SLC17A4: variants seen among roughly 807,000 people sequenced by gnomAD.
SLC17A4 encodes the protein probable small intestine urate exporter.
In SLC17A4, 33 loss-of-function variants were observed where a neutral mutation model predicts 52.5. The ratio of observed to expected loss-of-function variants is 0.63; its 90% CI spans 0.48 to 0.84. SLC17A4 has a LOEUF of 0.84. Ranked by LOEUF, SLC17A4 falls within the 40% of genes least tolerant of loss-of-function variation. The pLI is 0.00. For synonymous variants in SLC17A4, 225 were observed against 216.2 expected (o/e 1.04, Z -0.36); for missense variants, 585 against 597.1 (o/e 0.98, Z 0.21).
chr6:25,779,355 C>T lies in SLC17A4; in HGVS notation c.*167C>T, dbSNP rs1763193707. 2 of 850,550 alleles carry T rather than the reference C, an allele frequency of 2.4e-6. No homozygotes were observed. Among genetic ancestry groups the T allele is most frequent in the African/African-American group, 1.7e-5 (1 of 58,310 alleles). The allele number at this position is 850,550 out of a possible 1,614,324, so 52.7% of individuals were successfully genotyped here. On this transcript the variant is annotated 3_prime_UTR_variant, in exon 12 of 12. Coordinates refer to ENST00000377905, the MANE Select transcript of SLC17A4 (RefSeq NM_005495.3). ...AAATTTTACAGGGGAAGAAAACACG[C>T]TAGTTATTTAACTGCAAGCTACTAA... is the stretch of plus-strand genomic sequence containing the variant.
intron 1 of SLC17A4, among the ~76,000 whole-genome samples, chr6:25,756,833 A>T (rs183857322): frequency 2.0e-5 from 3 of 152,336 alleles, no homozygotes; most frequent in Admixed American, 2.0e-4. Context: ...GAACTCTTAG[A>T]CATTGGAACA....
chr6:25,769,049 C>T lies in SLC17A4; in HGVS notation c.156C>T (p.Thr52=). The change falls in exon 3 of 12, where the codon ACC becomes ACT. Residue 52 remains threonine, a synonymous_variant. Coordinates refer to ENST00000377905, the MANE Select transcript of SLC17A4 (RefSeq NM_005495.3). ...ILQLCNFSIY[T]QQMNLSIAIP... is the part of the protein sequence containing the mutation. ...AGCTCTGTAATTTTTCAATTTACAC[C>T]CAACAAATGAACTTGAGCATTGCCA... 6 of 1,614,028 alleles carry T rather than the reference C, an allele frequency of 3.7e-6. No homozygotes were observed. The highest frequency in any genetic ancestry group is 4.2e-6 in the Non-Finnish European group (5 of 1,179,990).
At position 25,777,647 on chromosome 6, in the gene SLC17A4, T is replaced by A. The variant is rs541733300; in HGVS notation, c.1269-279T>A. 2.9e-5 allele frequency: 9 copies of A among 307,316 alleles called. No homozygotes were observed. In the East Asian group the frequency reaches 5.2e-4, roughly 18 times the overall value. 19.0% of individuals were successfully genotyped at this position (307,316 alleles called of 1,614,324 possible). A position where few individuals can be genotyped will look rare whatever the true frequency, so the allele number is the denominator to read the frequency against. On this transcript the variant is annotated intron_variant, in intron 10 of 11. Coordinates refer to ENST00000377905, the MANE Select transcript of SLC17A4 (RefSeq NM_005495.3). ...CAGGTGCAGACCATCAATCTGACCA[T>A]CTTGCATAAACAATGTTGACAAGTT...
intron 1 of SLC17A4, 145 bp from the exon 2 acceptor site, chr6:25,761,782 G>C: frequency 1.8e-6 from 1 of 548,546 alleles, no homozygotes; most frequent in South Asian, 2.6e-5. Flanking sequence ...GTTAGTGATA[G>C]AGCCAGGATG....
intron 10 of SLC17A4, 66 bp downstream of exon 10, chr6:25,777,025 C>A: frequency 6.6e-7 from 1 of 1,513,968 alleles, no homozygotes; most frequent in South Asian, 1.3e-5. Flanking sequence ...TAAATCTACT[C>A]TGATGTGAAA....
intron 11 of SLC17A4, among the ~76,000 whole-genome samples, chr6:25,778,277 G>A (rs775878635): frequency 4.6e-5 from 7 of 151,832 alleles, no homozygotes; most frequent in Non-Finnish European, 1.0e-4. Context: ...AAAAAACACT[G>A]CCATATACCA....
At chr6:25,777,902 T>C (rs200577115) in intron 10 of SLC17A4, 24 bp from the exon 11 acceptor site, 25 of 1,576,146 alleles carry the variant, frequency 1.6e-5, no homozygotes, top group Admixed American at 1.2e-4. Flanking sequence ...TTGGTTATAA[T>C]AGAGTACCAT....
In SLC17A4 at chr6:25,770,258, G is replaced by T; in HGVS notation, c.489G>T (p.Val163=). The T allele has an allele frequency of 6.2e-7, 1 of 1,614,078 alleles. No homozygotes were observed. The highest frequency in any genetic ancestry group is 8.5e-7 in the Non-Finnish European group (1 of 1,180,006). The part of the protein sequence containing the change: ...LFIPLAANAG[V]ALLIVLRIVQ... ...TTCCACTGGCAGCTAATGCGGGAGTGGCCTTGCTCATTGTCCTCCGGATTG... is the reference window on the plus strand; with the variant it reads ...TTCCACTGGCAGCTAATGCGGGAGTTGCCTTGCTCATTGTCCTCCGGATTG... Residue 163 remains valine, a synonymous_variant, in exon 4 of 12, where the codon GTG becomes GTT. Transcript: ENST00000377905.
At position 25,773,299 on chromosome 6, in the gene SLC17A4, C is replaced by T. The variant is rs1320357705; in HGVS notation, c.731C>T (p.Pro244Leu). The T allele has an allele frequency of 6.2e-7, 1 of 1,613,746 alleles. No homozygotes were observed. The highest frequency in any genetic ancestry group is 8.5e-7 in the Non-Finnish European group (1 of 1,179,782). Reference sequence around the variant, plus strand: ...GGAGGAATTGGCTGTGCTTGTTGTCCTCTCTGGTTTCCTCTCATTTATGAT... The same window carrying T: ...GGAGGAATTGGCTGTGCTTGTTGTCTTCTCTGGTTTCCTCTCATTTATGAT... ...IFGGIGCACC[P>L]LWFPLIYDDP... The change falls in exon 7 of 12, where the codon CCT becomes CTT. Residue 244 changes from proline (P) to leucine (L), a missense_variant. Pro to Leu is a moderately conservative substitution (Grantham distance 98). Transcript: ENST00000377905.
At chr6:25,765,414 A>C (rs1327725541) in intron 2 of SLC17A4, among the ~76,000 whole-genome samples, 1 of 152,238 alleles carries the variant, frequency 6.6e-6, no homozygotes, top group East Asian at 1.9e-4. Context: ...AACACATCTT[A>C]ATCATCCAGG....
chr6:25,777,060 T>C, intron 10 of SLC17A4, 101 bp downstream of exon 10: 1 of 1,308,618 alleles, frequency 7.6e-7, no homozygotes, highest in Non-Finnish European at 1.0e-6. Context: ...GTACAACAGG[T>C]TGCAGGAAAT....
In SLC17A4 at chr6:25,779,369, G is replaced by C; in HGVS notation, c.*181G>C. 1 of 701,686 alleles carries C rather than the reference G, an allele frequency of 1.4e-6. No individual in the cohort carries two copies. Among genetic ancestry groups the C allele is most frequent in the Non-Finnish European group, 2.3e-6 (1 of 439,176 alleles). 43.5% of individuals were successfully genotyped at this position (701,686 alleles called of 1,614,324 possible). A position where few individuals can be genotyped will look rare whatever the true frequency, so the allele number is the denominator to read the frequency against. ...AAGAAAACACGCTAGTTATTTAACT[G>C]CAAGCTACTAAAAGCATAGGTGTGT... is the stretch of plus-strand genomic sequence containing the variant. On this transcript the variant is annotated 3_prime_UTR_variant, in exon 12 of 12. Transcript: ENST00000377905.
Position 25,781,069 on chromosome 6 carries a change from T to C in SLC17A4, c.*1881T>C, listed in dbSNP as rs1763255641. The C allele has an allele frequency of 6.6e-6, 1 of 152,006 alleles. No homozygotes were observed. Among genetic ancestry groups the C allele is most frequent in the African/African-American group, 2.4e-5 (1 of 41,372 alleles). 9.4% of individuals were successfully genotyped at this position (152,006 alleles called of 1,614,324 possible). ...TTGATATAGGTAGTGATTACAATTTTTGCATGGATGAGTCATCCATGGGTG... is the reference window on the plus strand; with the variant it reads ...TTGATATAGGTAGTGATTACAATTTCTGCATGGATGAGTCATCCATGGGTG... On this transcript the variant is annotated 3_prime_UTR_variant, in exon 12 of 12. Transcript: ENST00000377905.
chr6:25,775,130 G>A (rs2079870929), intron 8 of SLC17A4, among the ~76,000 whole-genome samples: 1 of 152,080 alleles, frequency 6.6e-6, no homozygotes, highest in African/African-American at 2.4e-5. Flanking sequence ...AGGTGTTTGA[G>A]ACCAGCCTGG....
intron 11 of SLC17A4, 35 bp from the exon 12 acceptor site, chr6:25,779,019 G>T: frequency 1.2e-6 from 2 of 1,611,014 alleles, no homozygotes; most frequent in East Asian, 2.2e-5. Flanking sequence ...CAGGAATTGG[G>T]TGACCGTTAA....
In SLC17A4 at chr6:25,763,989, AG is replaced by A. The variant is rs573098765; in HGVS notation, c.91+1937del. Among the ~76,000 whole-genome samples, 81 of 152,332 alleles carry A rather than the reference AG, an allele frequency of 5.3e-4. 1 individual carries two copies. The highest frequency in any genetic ancestry group is 1.9e-3 in the African/African-American group (80 of 41,576). ...AACGTTGGAAGGCTAGGGAAGCAAA[AG>A]TCAGGTTGGTTACTTTCAGAAAATC... On this transcript the variant is annotated intron_variant, in intron 2 of 11. Coordinates refer to ENST00000377905, the MANE Select transcript of SLC17A4 (RefSeq NM_005495.3).
intron 8 of SLC17A4, among the ~76,000 whole-genome samples, chr6:25,774,656 G>T (rs1268581918): frequency 6.6e-6 from 1 of 152,210 alleles, no homozygotes; most frequent in Non-Finnish European, 1.5e-5. Flanking sequence ...TCCTGAGGCT[G>T]GCTGTTGGGA....
intron 2 of SLC17A4, among the ~76,000 whole-genome samples, chr6:25,764,720 A>C (rs528812971): frequency 8.5e-5 from 13 of 152,258 alleles, no homozygotes; most frequent in African/African-American, 2.4e-4. Context: ...TGAGCCCCTC[A>C]AGGGTCTGCA....
In SLC17A4 at chr6:25,761,971, C is replaced by T. The variant is rs374991215; in HGVS notation, c.9C>T (p.Thr3=). ...AGGAAGAGAGAACCAAAATGTCTAC[C>T]GGACCAGATGTCAAGGCTACAGTGG... MS[T]GPDVKATVGD... Residue 3 remains threonine, a synonymous_variant, in exon 2 of 12, where the codon ACC becomes ACT. Coordinates refer to ENST00000377905, the MANE Select transcript of SLC17A4 (RefSeq NM_005495.3). 75 of 1,613,328 alleles carry T rather than the reference C, an allele frequency of 4.6e-5. No individual in the cohort carries two copies. The highest frequency in any genetic ancestry group is 2.3e-4 in the South Asian group (21 of 90,970).
Sources: gnomAD v4.1 joint callset for allele counts (sites outside exome capture counted in the v4.1 genomes callset) on GRCh38, gnomAD v4.1.1 for gene constraint, MANE v1.5 for transcripts, NCBI Gene and HGNC (gene_info 2026-07-23, HGNC 2026-07-21) for gene names.